The following AP3B1 variants were observed in gnomAD, a reference collection of about 807,000 sequenced individuals.
The protein encoded by AP3B1 is adaptor related protein complex 3 subunit beta 1, also known as AP-3 complex subunit beta-1.
Under a neutral mutation model 132.5 loss-of-function variants are expected in AP3B1, and 61 were observed. The observed-to-expected ratio is 0.46, with a 90% confidence interval of 0.37 to 0.57. The LOEUF (loss-of-function observed/expected upper bound fraction) is 0.57. Among genes scored for constraint, AP3B1 ranks in the 20% least tolerant of loss-of-function variants. The pLI, the probability that AP3B1 is intolerant of heterozygous loss-of-function variation, is 0.00. For missense variants in AP3B1, 1,120 were observed against 1,289.4 expected (o/e 0.87, Z 2.01); for synonymous variants, 388 against 438.3 (o/e 0.89, Z 1.43).
intron 11 of AP3B1, among the ~76,000 whole-genome samples, chr5:78,170,295 T>A (rs1217043793): frequency 6.6e-6 from 1 of 152,194 alleles, no homozygotes; most frequent in Non-Finnish European, 1.5e-5. Flanking sequence ...CTGGGTCAAA[T>A]GATATTTTTA....
At chr5:78,020,162 T>C (rs1747030751) in intron 25 of AP3B1, among the ~76,000 whole-genome samples, 1 of 152,128 alleles carries the variant, frequency 6.6e-6, no homozygotes, top group Non-Finnish European at 1.5e-5. Context: ...TCAGTTCTAA[T>C]AGGTTCTGAC....
At chr5:78,240,563 G>A (rs907740693) in intron 3 of AP3B1, among the ~76,000 whole-genome samples, 1 of 152,080 alleles carries the variant, frequency 6.6e-6, no homozygotes, top group African/African-American at 2.4e-5. Context: ...TTAAAATTAA[G>A]TCCCTGGAAC....
At chr5:78,155,591 T>C (rs779586114) in intron 14 of AP3B1, among the ~76,000 whole-genome samples, 14 of 152,160 alleles carry the variant, frequency 9.2e-5, no homozygotes, top group Admixed American at 2.0e-4. Flanking sequence ...TTCGAAAACA[T>C]ACACAAACCT....
intron 22 of AP3B1, among the ~76,000 whole-genome samples, chr5:78,070,166 G>A (rs1749473026): frequency 6.6e-6 from 1 of 152,146 alleles, no homozygotes; most frequent in Non-Finnish European, 1.5e-5. Context: ...CAGCACTTTG[G>A]GAGGCTGAGG....
At chr5:78,036,714 T>C (rs1325676317) in intron 23 of AP3B1, among the ~76,000 whole-genome samples, 1 of 152,102 alleles carries the variant, frequency 6.6e-6, no homozygotes, top group African/African-American at 2.4e-5. Flanking sequence ...CATTGCACAT[T>C]ACAGACAAAA....
rs113224217 is a variant in AP3B1, at chr5:78,169,958, C to G, written c.1168-4286G>C. The stretch of plus-strand genomic sequence containing the variant: ...TGTGTGATGTTCCCGGCCCTGTGTC[C>G]AAGTGTTCTCATTGTTCACTTCCCA... On this transcript the variant is annotated intron_variant, in intron 11 of 26. Coordinates refer to ENST00000255194, the MANE Select transcript of AP3B1 (RefSeq NM_003664.5). Among the ~76,000 whole-genome samples, 773 of 152,142 alleles carry G rather than the reference C, an allele frequency of 5.1e-3. 7 individuals are homozygous for G. Among genetic ancestry groups the G allele is most frequent in the African/African-American group, 0.018 (735 of 41,494 alleles).
intron 3 of AP3B1, among the ~76,000 whole-genome samples, chr5:78,237,993 G>A (rs943520564): frequency 3.3e-5 from 5 of 152,282 alleles, no homozygotes; most frequent in African/African-American, 1.2e-4. Context: ...ATATGATACA[G>A]ACCAGGGGTC....
intron 13 of AP3B1, among the ~76,000 whole-genome samples, chr5:78,160,677 C>A (rs1334360231): frequency 6.6e-6 from 1 of 151,958 alleles, no homozygotes; most frequent in Non-Finnish European, 1.5e-5. Flanking sequence ...AAGATCTTAA[C>A]AGATTTTAAA....
intron 7 of AP3B1, among the ~76,000 whole-genome samples, chr5:78,211,612 A>G (rs777835542): frequency 1.7e-4 from 26 of 152,216 alleles, no homozygotes; most frequent in Non-Finnish European, 3.2e-4. Flanking sequence ...ACGTAAACAA[A>G]TGTTTGCAAA....
At chr5:78,281,159 G>C (rs1001549386) in intron 1 of AP3B1, among the ~76,000 whole-genome samples, 1 of 152,118 alleles carries the variant, frequency 6.6e-6, no homozygotes, top group Non-Finnish European at 1.5e-5. Context: ...TCTCGGCCGG[G>C]CGCAGTGGCT....
chr5:78,018,313 C>T (rs1471303057), intron 25 of AP3B1, among the ~76,000 whole-genome samples: 1 of 151,794 alleles, frequency 6.6e-6, no homozygotes, highest in East Asian at 1.9e-4. Context: ...ACTTTGACTA[C>T]CAATCTTATT....
chr5:78,038,684 A>G (rs1393364784), intron 23 of AP3B1, among the ~76,000 whole-genome samples: 1 of 152,212 alleles, frequency 6.6e-6, no homozygotes, highest in Admixed American at 6.5e-5. Context: ...TCTTGCTTTT[A>G]ATACACAATA....
chr5:78,115,382 G>A (rs944010908), intron 18 of AP3B1, among the ~76,000 whole-genome samples: 1 of 152,152 alleles, frequency 6.6e-6, no homozygotes, highest in Non-Finnish European at 1.5e-5. Flanking sequence ...GTGTCGTTTG[G>A]TCTTGGGTCA....
chr5:78,114,004 A>G, intron 18 of AP3B1, 81 bp from the exon 19 acceptor site: 2 of 1,469,896 alleles, frequency 1.4e-6, no homozygotes, highest in Non-Finnish European at 1.9e-6. Context: ...AATATTCATC[A>G]CAAATGAAAC....
Position 78,089,494 on chromosome 5 carries a change from G to A in AP3B1, c.2476C>T (p.Pro826Ser). The change falls in exon 22 of 27, where the codon CCA (proline) becomes TCA (serine). Residue 826 changes from proline (P) to serine (S), a missense_variant. Pro to Ser is a moderately conservative substitution (Grantham distance 74). Around this residue, in one of 3 missense-constraint regions of AP3B1, gnomAD observed 906 missense variants for 997.1 expected, o/e 0.91. Coordinates refer to ENST00000255194, the MANE Select transcript of AP3B1 (RefSeq NM_003664.5). Reference protein sequence around the residue: ...VSLLDLDDFNPVSTPVALPTP... With the variant: ...VSLLDLDDFNSVSTPVALPTP... ...GGAAGTGCAACTGGAGTGGATACTG[G>A]GTTAACTGTAAGAAAAGGCCCAAAT... is the stretch of plus-strand genomic sequence containing the variant. The A allele has an allele frequency of 6.2e-7, 1 of 1,608,132 alleles. No homozygotes were observed.
chr5:78,025,025 T>C (rs1747281408), intron 24 of AP3B1, among the ~76,000 whole-genome samples: 1 of 152,128 alleles, frequency 6.6e-6, no homozygotes, highest in Non-Finnish European at 1.5e-5. Flanking sequence ...TTAGTAAAAA[T>C]ACATGTTAGC....
Position 78,002,754 on chromosome 5 carries a change from G to T in AP3B1, c.*148C>A. The T allele has an allele frequency of 2.2e-6, 2 of 908,968 alleles. No individual in the cohort carries two copies. Among genetic ancestry groups the T allele is most frequent in the Non-Finnish European group, 3.6e-6 (2 of 547,982 alleles). The allele number at this position is 908,968 out of a possible 1,614,324, so 56.3% of individuals were successfully genotyped here. On this transcript the variant is annotated 3_prime_UTR_variant, in exon 27 of 27. Coordinates refer to ENST00000255194, the MANE Select transcript of AP3B1 (RefSeq NM_003664.5). ...TTGCATACATGATAGATACACACTA[G>T]CATTCTAAAGCAGGAGACAAGAATG...
intron 22 of AP3B1, chr5:78,089,163 A>C (rs912218818): frequency 3.7e-5 from 17 of 458,478 alleles, no homozygotes; most frequent in African/African-American, 3.2e-4. Context: ...ACAATACCAG[A>C]GAAAAACATA....
At chr5:78,164,738 T>C (rs574396119) in intron 12 of AP3B1, among the ~76,000 whole-genome samples, 2 of 152,286 alleles carry the variant, frequency 1.3e-5, no homozygotes, top group South Asian at 4.1e-4. Context: ...ATTATGGACA[T>C]GCCATATTAT....
Sources: gnomAD v4.1 joint callset for allele counts (sites outside exome capture counted in the v4.1 genomes callset) on GRCh38, gnomAD v4.1.1 for gene constraint, gnomAD v4.1.1 regional missense constraint, MANE v1.5 for transcripts, NCBI Gene and HGNC (gene_info 2026-07-23, HGNC 2026-07-21) for gene names.